Variants in ADCK1 observed in about 807,000 individuals in gnomAD.
ADCK1 encodes aarF domain-containing protein kinase 1.
A neutral mutation model predicts 52.3 loss-of-function variants in ADCK1; 41 were observed. That is an observed-to-expected ratio of 0.78 (90% CI 0.61 to 1.02). The LOEUF (loss-of-function observed/expected upper bound fraction) is 1.02. Among genes scored for constraint, ADCK1 ranks in the 50% least tolerant of loss-of-function variants. ADCK1 has a pLI of 0.00. For synonymous variants in ADCK1, 250 were observed against 274.6 expected, an observed-to-expected ratio of 0.91 and a Z score of 0.89; for missense variants, 658 against 679.5, an observed-to-expected ratio of 0.97 and a Z score of 0.35.
chr14:77,865,956 G>A (rs1020375377), intron 4 of ADCK1, among the ~76,000 whole-genome samples: 1 of 152,142 alleles, frequency 6.6e-6, no homozygotes, highest in Non-Finnish European at 1.5e-5. Context: ...TGAGAGACTC[G>A]TAAATGGCAG....
At chr14:77,902,176 A>G (rs984187523) in intron 6 of ADCK1, among the ~76,000 whole-genome samples, 4 of 152,220 alleles carry the variant, frequency 2.6e-5, no homozygotes, top group East Asian at 1.9e-4. Flanking sequence ...AGATGTGTCT[A>G]TTCTAACCAC....
chr14:77,857,979 G>A (rs932702763), intron 3 of ADCK1, among the ~76,000 whole-genome samples: 4 of 152,140 alleles, frequency 2.6e-5, no homozygotes, highest in Non-Finnish European at 5.9e-5. Flanking sequence ...CCTCAACTGG[G>A]CAGGGGGGAT....
chr14:77,933,632 A>C lies in ADCK1; in HGVS notation c.*241A>C. 1 of 502,082 alleles carries C rather than the reference A, an allele frequency of 2.0e-6. No homozygotes were observed. The highest frequency in any genetic ancestry group is 3.5e-6 in the Non-Finnish European group (1 of 282,320). 31.1% of individuals were successfully genotyped at this position (502,082 alleles called of 1,614,324 possible). On this transcript the variant is annotated 3_prime_UTR_variant, in exon 11 of 11. Transcript: ENST00000238561. ...TCTCCAAGAAGACTCAGCAGCCTAC[A>C]TTCCCATTCCTGGTATGTGCCATTG... is the stretch of plus-strand genomic sequence containing the variant.
At chr14:77,804,354 A>T (rs538491994) in intron 1 of ADCK1, among the ~76,000 whole-genome samples, 2 of 152,352 alleles carry the variant, frequency 1.3e-5, no homozygotes, top group East Asian at 1.9e-4. Flanking sequence ...GGGACACCTT[A>T]TGGAAAACTC....
intron 3 of ADCK1, among the ~76,000 whole-genome samples, chr14:77,832,341 A>G (rs17106425): frequency 0.031 from 4,781 of 152,256 alleles, 148 homozygotes; most frequent in South Asian, 0.12. Context: ...CTTGATCTTG[A>G]TGTTCAGATA....
intron 4 of ADCK1, among the ~76,000 whole-genome samples, chr14:77,876,370 C>T (rs1050482389): frequency 6.6e-6 from 1 of 152,222 alleles, no homozygotes; most frequent in African/African-American, 2.4e-5. Flanking sequence ...TAATTCTGCC[C>T]TTCCTACCTC....
At chr14:77,931,441 G>T (rs2084331094) in intron 9 of ADCK1, 77 bp from the exon 10 acceptor site, 1 of 1,468,296 alleles carries the variant, frequency 6.8e-7, no homozygotes, top group Non-Finnish European at 9.3e-7. Flanking sequence ...TCTGGTCACA[G>T]CCTGCCAGAC....
intron 3 of ADCK1, among the ~76,000 whole-genome samples, chr14:77,855,146 G>A (rs8009704): frequency 0.14 from 20,753 of 152,264 alleles, 1,501 homozygotes; most frequent in Middle Eastern, 0.19. Flanking sequence ...GCCTGGCATG[G>A]CATGCCATCA....
intron 7 of ADCK1, 147 bp downstream of exon 7, chr14:77,908,066 G>T: frequency 1.6e-6 from 1 of 643,778 alleles, no homozygotes. Context: ...TATAAACTTT[G>T]AGCAAGAAAG....
chr14:77,825,412 A>G (rs1379066762), intron 3 of ADCK1, among the ~76,000 whole-genome samples: 4 of 152,160 alleles, frequency 2.6e-5, no homozygotes. Flanking sequence ...GCCATTTGTC[A>G]TTAGAGATGG....
At chr14:77,836,513 G>A (rs114015869) in intron 3 of ADCK1, among the ~76,000 whole-genome samples, 338 of 152,300 alleles carry the variant, frequency 2.2e-3, no homozygotes, top group African/African-American at 7.5e-3. Context: ...GCTAGCAAGC[G>A]GGTGTACTAA....
chr14:77,824,475 C>T (rs199661336), intron 3 of ADCK1, among the ~76,000 whole-genome samples: 7 of 148,414 alleles, frequency 4.7e-5, no homozygotes, highest in Non-Finnish European at 8.9e-5. Context: ...GCTCTGTTGC[C>T]CAGGCTGGAG....
intron 3 of ADCK1, among the ~76,000 whole-genome samples, chr14:77,849,709 C>T (rs1382143309): frequency 6.6e-6 from 1 of 152,112 alleles, no homozygotes; most frequent in Non-Finnish European, 1.5e-5. Flanking sequence ...AGCTCAGCCT[C>T]CCTAAGTGCT....
intron 7 of ADCK1, among the ~76,000 whole-genome samples, chr14:77,909,115 T>A (rs1461021310): frequency 1.4e-5 from 2 of 139,480 alleles, no homozygotes; most frequent in Non-Finnish European, 3.1e-5. Flanking sequence ...CCACGCCCAG[T>A]GGAGGTAAAT....
At chr14:77,829,281 A>C (rs2081788310) in intron 3 of ADCK1, among the ~76,000 whole-genome samples, 1 of 124,848 alleles carries the variant, frequency 8.0e-6, no homozygotes, top group Admixed American at 9.2e-5. Flanking sequence ...CTGTCTTTCT[A>C]CTAAAAAACT....
At chr14:77,907,690 C>T in intron 6 of ADCK1, 113 bp from the exon 7 acceptor site, 1 of 744,962 alleles carries the variant, frequency 1.3e-6, no homozygotes, top group South Asian at 1.8e-5. Flanking sequence ...TGGGCCTCTT[C>T]TCCCTTGCTC....
intron 4 of ADCK1, among the ~76,000 whole-genome samples, chr14:77,882,309 C>T (rs1309002692): frequency 6.6e-6 from 1 of 152,174 alleles, no homozygotes; most frequent in Non-Finnish European, 1.5e-5. Context: ...CTGCTGATGC[C>T]ATGGTAACCT....
chr14:77,875,084 A>C (rs763324197), intron 4 of ADCK1, among the ~76,000 whole-genome samples: 1 of 152,072 alleles, frequency 6.6e-6, no homozygotes, highest in Non-Finnish European at 1.5e-5. Flanking sequence ...TGGTGTGGGG[A>C]ACAAGAGTAG....
At chr14:77,898,224 A>G (rs1397455964) in intron 5 of ADCK1, among the ~76,000 whole-genome samples, 2 of 152,238 alleles carry the variant, frequency 1.3e-5, no homozygotes, top group Admixed American at 1.3e-4. Flanking sequence ...TGATCACGCC[A>G]CTGCATTCCA....
Sources: allele counts gnomAD v4.1 joint callset (sites outside exome capture counted in the v4.1 genomes callset), GRCh38; gene constraint gnomAD v4.1.1; transcripts MANE v1.5; gene names NCBI Gene and HGNC (gene_info 2026-07-23, HGNC 2026-07-21).